SNTB1: variants seen among roughly 807,000 people sequenced by gnomAD.
The protein encoded by SNTB1 is beta-1-syntrophin.
A neutral mutation model predicts 48.9 loss-of-function variants in SNTB1; 36 were observed. That is an observed-to-expected ratio of 0.74 (90% CI 0.56 to 0.97). The LOEUF is 0.97. Ranked by LOEUF, SNTB1 falls within the 50% of genes least tolerant of loss-of-function variation. The pLI is 0.00. For synonymous variants in SNTB1, 299 were observed against 294.6 expected (o/e 1.01, Z -0.15); for missense variants, 786 against 703.4 (o/e 1.12, Z -1.33).
At chr8:120,746,532 T>C (rs1819128968) in intron 1 of SNTB1, among the ~76,000 whole-genome samples, 1 of 152,194 alleles carries the variant, frequency 6.6e-6, no homozygotes. Context: ...AGAGATCTTA[T>C]AACCCACAAA....
At chr8:120,673,743 T>C (rs2129792808) in intron 2 of SNTB1, among the ~76,000 whole-genome samples, 1 of 6,490 alleles carries the variant, frequency 1.5e-4, no homozygotes, top group East Asian at 5.2e-3. Flanking sequence ...GGAGGGACAA[T>C]GTCCCTCCCA....
At chr8:120,799,243 A>T (rs1820174333) in intron 1 of SNTB1, among the ~76,000 whole-genome samples, 1 of 151,960 alleles carries the variant, frequency 6.6e-6, no homozygotes, top group African/African-American at 2.4e-5. Context: ...TTGCACTTAG[A>T]TCCTCATTTC....
intron 1 of SNTB1, among the ~76,000 whole-genome samples, chr8:120,732,686 C>T (rs766370977): frequency 2.6e-5 from 4 of 151,952 alleles, no homozygotes; most frequent in Admixed American, 6.6e-5. Flanking sequence ...CTCTATTAAA[C>T]GTACAAAAAT....
At chr8:120,648,755 A>G (rs1001172927) in intron 2 of SNTB1, among the ~76,000 whole-genome samples, 2 of 152,210 alleles carry the variant, frequency 1.3e-5, no homozygotes, top group African/African-American at 4.8e-5. Context: ...AATATCTTGC[A>G]GAGTGTTTTC....
intron 1 of SNTB1, among the ~76,000 whole-genome samples, chr8:120,791,184 A>T (rs1820025418): frequency 6.6e-6 from 1 of 151,930 alleles, no homozygotes; most frequent in Non-Finnish European, 1.5e-5. Flanking sequence ...TCAACAAAGC[A>T]TACAAAAACA....
chr8:120,804,528 G>A (rs1820293753), intron 1 of SNTB1, among the ~76,000 whole-genome samples: 1 of 152,108 alleles, frequency 6.6e-6, no homozygotes, highest in Non-Finnish European at 1.5e-5. Context: ...GCCTGATGAG[G>A]TGTTAGATCA....
intron 2 of SNTB1, among the ~76,000 whole-genome samples, chr8:120,672,509 T>C (rs1431760838): frequency 1.3e-5 from 2 of 152,172 alleles, no homozygotes; most frequent in Non-Finnish European, 2.9e-5. Flanking sequence ...GATCAGAATC[T>C]TGTACAATGA....
intron 3 of SNTB1, among the ~76,000 whole-genome samples, chr8:120,617,211 C>G (rs1255004854): frequency 6.6e-6 from 1 of 152,108 alleles, no homozygotes; most frequent in Non-Finnish European, 1.5e-5. Context: ...ATTGGACACC[C>G]CTGGTGTAGA....
At chr8:120,604,387 A>T (rs530636425) in intron 3 of SNTB1, among the ~76,000 whole-genome samples, 1 of 151,304 alleles carries the variant, frequency 6.6e-6, no homozygotes, top group African/African-American at 2.4e-5. Flanking sequence ...CCATATATCA[A>T]TTCTTCTCAG....
chr8:120,598,810 A>AT (rs1243654560), intron 3 of SNTB1, among the ~76,000 whole-genome samples: 1 of 151,656 alleles, frequency 6.6e-6, no homozygotes, highest in African/African-American at 2.4e-5. Context: ...CTAGAGCTGC[A>AT]TTTTTTTTCA....
chr8:120,708,979 C>G (rs1370706622), intron 1 of SNTB1, among the ~76,000 whole-genome samples: 1 of 151,754 alleles, frequency 6.6e-6, no homozygotes, highest in Admixed American at 6.6e-5. Context: ...CTAAGCTGTG[C>G]TAAATGACAA....
At chr8:120,752,432 C>A (rs1057451610) in intron 1 of SNTB1, among the ~76,000 whole-genome samples, 2 of 152,176 alleles carry the variant, frequency 1.3e-5, no homozygotes, top group African/African-American at 4.8e-5. Flanking sequence ...CCATCAATCT[C>A]ATTATTGAGT....
chr8:120,669,474 C>T (rs1817725121), intron 2 of SNTB1, among the ~76,000 whole-genome samples: 1 of 30,846 alleles, frequency 3.2e-5, no homozygotes, highest in Non-Finnish European at 4.9e-5. Context: ...GAGACGGAGT[C>T]TCGCTCTGTC....
At chr8:120,685,410 C>T (rs1018981316) in intron 2 of SNTB1, among the ~76,000 whole-genome samples, 3 of 152,196 alleles carry the variant, frequency 2.0e-5, no homozygotes, top group Middle Eastern at 3.2e-3. Context: ...GGTGTAGTGG[C>T]ACCTTGCAGA....
At chr8:120,695,651 G>A (rs1433913572) in intron 1 of SNTB1, among the ~76,000 whole-genome samples, 3 of 152,088 alleles carry the variant, frequency 2.0e-5, no homozygotes, top group South Asian at 4.2e-4. Flanking sequence ...CTAGGAGCAC[G>A]AAAGACAGTT....
At chr8:120,646,005 C>G (rs1283700837) in intron 2 of SNTB1, among the ~76,000 whole-genome samples, 2 of 150,944 alleles carry the variant, frequency 1.3e-5, no homozygotes, top group East Asian at 1.9e-4. Flanking sequence ...GATTTTTACA[C>G]ATTGATTTTG....
chr8:120,564,236 G>A (rs1006112987), intron 4 of SNTB1, among the ~76,000 whole-genome samples: 1 of 152,122 alleles, frequency 6.6e-6, no homozygotes, highest in African/African-American at 2.4e-5. Flanking sequence ...CCTAAGATGA[G>A]CTGGTTAAAG....
chr8:120,638,455 T>C (rs561052624), intron 2 of SNTB1, among the ~76,000 whole-genome samples: 31 of 152,176 alleles, frequency 2.0e-4, no homozygotes, highest in African/African-American at 7.0e-4. Context: ...GTGCACAACA[T>C]GCAGGTTTGT....
At chr8:120,696,274 G>A (rs764224866) in intron 1 of SNTB1, among the ~76,000 whole-genome samples, 77 of 152,142 alleles carry the variant, frequency 5.1e-4, no homozygotes, top group Non-Finnish European at 4.7e-4. Flanking sequence ...TCATGGGGAA[G>A]GTGCCATTTG....
Sources: allele counts gnomAD v4.1 joint callset (sites outside exome capture counted in the v4.1 genomes callset), GRCh38; gene constraint gnomAD v4.1.1; transcripts MANE v1.5; gene names NCBI Gene and HGNC (gene_info 2026-07-23, HGNC 2026-07-21).